The following RDX variants were observed in gnomAD, a reference collection of about 807,000 sequenced individuals.
RDX encodes deafness, autosomal recessive 24.
Under a neutral mutation model 83.7 loss-of-function variants are expected in RDX, and 32 were observed. That is an observed-to-expected ratio of 0.38 (90% confidence interval 0.29 to 0.51). The LOEUF (loss-of-function observed/expected upper bound fraction) is 0.51. Among genes scored for constraint, RDX ranks in the 20% least tolerant of loss-of-function variants. The probability of loss-of-function intolerance (pLI) is 0.87; values close to 1 mark genes in which losing one functional copy is unlikely to be tolerated. For missense variants in RDX, 600 were observed against 689.9 expected (o/e 0.87, Z 1.46); for synonymous variants, 229 against 222.7 (o/e 1.03, Z -0.25).
At chr11:110,221,141 C>T (rs1021907027) in intron 14 of RDX, among the ~76,000 whole-genome samples, 3 of 152,062 alleles carry the variant, frequency 2.0e-5, no homozygotes, top group Admixed American at 6.6e-5. Context: ...AAATGAAGAA[C>T]GTAATGTGAC....
At chr11:110,212,713 A>C (rs1374866407) in intron 14 of RDX, among the ~76,000 whole-genome samples, 2 of 109,576 alleles carry the variant, frequency 1.8e-5, no homozygotes, top group African/African-American at 7.3e-5. Context: ...TCCAGCATAT[A>C]AACAGAGCCA....
At chr11:110,267,067 T>G (rs1439249471) in intron 3 of RDX, among the ~76,000 whole-genome samples, 1 of 151,676 alleles carries the variant, frequency 6.6e-6, no homozygotes, top group Admixed American at 6.6e-5. Context: ...CAAACCTAGC[T>G]AATTTTTTAT....
At chr11:110,209,270 G>A (rs376832661) in intron 14 of RDX, among the ~76,000 whole-genome samples, 2 of 151,870 alleles carry the variant, frequency 1.3e-5, no homozygotes, top group South Asian at 2.1e-4. Context: ...CGAATACTGC[G>A]CTTTTCCGAC....
intron 3 of RDX, among the ~76,000 whole-genome samples, chr11:110,265,111 T>TTCTTTTTTTTTTTGTTC (rs1555044190): frequency 3.5e-5 from 4 of 114,998 alleles, no homozygotes; most frequent in Non-Finnish European, 7.6e-5. Flanking sequence ...TTTTTTTTGT[T>TTCTTTTTTTTTTTGTTC]TTTTTTTTTT....
chr11:110,275,720 A>T (rs193138965), intron 2 of RDX, among the ~76,000 whole-genome samples: 2 of 150,846 alleles, frequency 1.3e-5, no homozygotes, highest in Admixed American at 6.6e-5. Context: ...ATAAACTGAC[A>T]TTCTTAATTT....
rs200686658 is a variant in RDX at position 110,239,836 on chromosome 11, G to GT, written c.1091-2185dup. Among the ~76,000 whole-genome samples the GT allele has an allele frequency of 1.8e-3, 246 of 135,216 alleles. 4 individuals are homozygous for GT. The East Asian group carries it at 0.021, about 11-fold the overall frequency. 88.7% of individuals were successfully genotyped at this position (135,216 alleles called of 152,430 possible). Reference sequence around the variant, plus strand: ...TGCCTGGGTGATAGAGGAAGACTCTGTTTTTAAAAAAAAAAAAAAAAAAGG... The same window carrying GT: ...TGCCTGGGTGATAGAGGAAGACTCTGTTTTTTAAAAAAAAAAAAAAAAAAGG... On this transcript the variant is annotated intron_variant, in intron 10 of 13. Coordinates refer to ENST00000645495, the MANE Select transcript of RDX (RefSeq NM_002906.4).
At chr11:110,202,815 C>T (rs1863463463) in intron 14 of RDX, among the ~76,000 whole-genome samples, 8 of 151,880 alleles carry the variant, frequency 5.3e-5, no homozygotes, top group Admixed American at 5.3e-4. Context: ...AAATGCAAAC[C>T]AAAACTGCAA....
chr11:110,261,271 A>G (rs549702779), intron 5 of RDX, among the ~76,000 whole-genome samples: 1 of 152,376 alleles, frequency 6.6e-6, no homozygotes, highest in East Asian at 1.9e-4. Flanking sequence ...ATTTTGATAA[A>G]AGGTATTACC....
At chr11:110,274,191 T>C (rs918500651) in intron 2 of RDX, among the ~76,000 whole-genome samples, 1 of 152,194 alleles carries the variant, frequency 6.6e-6, no homozygotes, top group African/African-American at 2.4e-5. Flanking sequence ...CTATCATATA[T>C]AAACAATGAA....
At chr11:110,287,030 TTAAG>T (rs1319123066) in intron 1 of RDX, 3 of 152,246 alleles carry the variant, frequency 2.0e-5, no homozygotes, top group Non-Finnish European at 4.4e-5. Flanking sequence ...TTTTAATACT[TTAAG>T]TAACAGTTAA....
chr11:110,224,084 A>G (rs1864350016), intron 14 of RDX, among the ~76,000 whole-genome samples: 1 of 152,172 alleles, frequency 6.6e-6, no homozygotes, highest in Non-Finnish European at 1.5e-5. Context: ...TGAGTTGTTT[A>G]GAGTTGTCAC....
intron 15 of RDX, chr11:110,175,369 T>C (rs1214193851): frequency 6.6e-6 from 1 of 152,270 alleles, no homozygotes; most frequent in Non-Finnish European, 1.5e-5. Context: ...ACACCTTTTA[T>C]GCTGAAGCAG....
chr11:110,243,324 C>T (rs1865174581), intron 10 of RDX, among the ~76,000 whole-genome samples: 1 of 152,056 alleles, frequency 6.6e-6, no homozygotes, highest in South Asian at 2.1e-4. Context: ...ATATACTCAC[C>T]AGAATGGCTA....
chr11:110,227,392 T>C (rs935047469), downstream of RDX, among the ~76,000 whole-genome samples: 1 of 152,124 alleles, frequency 6.6e-6, no homozygotes, highest in Non-Finnish European at 1.5e-5. Flanking sequence ...TCACTATTTT[T>C]AGGAGCAAAC....
chr11:110,211,456 A>C (rs2134256745), intron 14 of RDX, among the ~76,000 whole-genome samples: 1 of 151,044 alleles, frequency 6.6e-6, no homozygotes, highest in East Asian at 1.9e-4. Flanking sequence ...ATACCCAGGA[A>C]TTGAACTCAG....
intron 5 of RDX, among the ~76,000 whole-genome samples, chr11:110,262,521 G>C (rs1384338951): frequency 6.6e-6 from 1 of 151,964 alleles, no homozygotes; most frequent in Non-Finnish European, 1.5e-5. Flanking sequence ...CCGGGAGGCG[G>C]AGGTTGCAGT....
chr11:110,283,736 C>T (rs1180955803), intron 1 of RDX, among the ~76,000 whole-genome samples: 1 of 151,322 alleles, frequency 6.6e-6, no homozygotes, highest in African/African-American at 2.4e-5. Context: ...AACAAAAAGA[C>T]AGACTTGAAA....
At chr11:110,255,170 A>G in intron 8 of RDX, 119 bp downstream of exon 8, 1 of 620,128 alleles carries the variant, frequency 1.6e-6, no homozygotes, top group South Asian at 2.0e-5. Context: ...TGACCTATGG[A>G]AAGAGAATGG....
rs776008530 is a variant in RDX, at chr11:110,236,140, T to TG, written c.1302dup (p.Lys435GlnfsTer10). ...GTAGCTTCCTCTTCCTTTTTCTTCT[T>TG]GGCTTCCTCTAGAAGTGCAATCTTG... On this transcript the variant is annotated frameshift_variant, in exon 12 of 14. Transcript: ENST00000645495. The TG allele has an allele frequency of 6.2e-7, 1 of 1,612,444 alleles. No individual in the cohort carries two copies. Among genetic ancestry groups the TG allele is most frequent in the Admixed American group, 1.7e-5 (1 of 60,030 alleles).
Sources: allele counts gnomAD v4.1 joint callset (sites outside exome capture counted in the v4.1 genomes callset), GRCh38; gene constraint gnomAD v4.1.1; transcripts MANE v1.5; gene names NCBI Gene and HGNC (gene_info 2026-07-23, HGNC 2026-07-21).